Variants in KCNQ2 observed in about 807,000 individuals in gnomAD.
KCNQ2 encodes the protein potassium voltage-gated channel subfamily Q member 2.
Under a neutral mutation model 84.8 loss-of-function variants are expected in KCNQ2, and 14 were observed. The observed-to-expected ratio is 0.17, with a 90% confidence interval of 0.11 to 0.26. KCNQ2 has a LOEUF of 0.26. Among genes scored for constraint, KCNQ2 ranks in the 10% least tolerant of loss-of-function variants. The pLI is 1.00. For missense variants in KCNQ2, 788 were observed against 1,254.0 expected, an observed-to-expected ratio of 0.63 and a Z score of 5.61; for synonymous variants, 599 against 554.1, an observed-to-expected ratio of 1.08 and a Z score of -1.14.
intron 11 of KCNQ2, among the ~76,000 whole-genome samples, chr20:63,421,699 C>T (rs1309646897): frequency 2.6e-5 from 4 of 152,138 alleles, no homozygotes; most frequent in East Asian, 1.9e-4. Flanking sequence ...ACGGGGGAGC[C>T]CGCACAGGCA....
intron 15 of KCNQ2, among the ~76,000 whole-genome samples, chr20:63,413,062 C>A (rs1338629130): frequency 6.6e-6 from 1 of 152,136 alleles, no homozygotes; most frequent in Non-Finnish European, 1.5e-5. Flanking sequence ...CACATGTGTA[C>A]ACACATGTAT....
chr20:63,424,335 G>C, intron 10 of KCNQ2, 129 bp from the exon 11 acceptor site: 2 of 1,127,770 alleles, frequency 1.8e-6, no homozygotes, highest in Non-Finnish European at 2.6e-6. Flanking sequence ...GAAAAGGCTG[G>C]GCAGGGGTGG....
At chr20:63,467,787 T>C (rs1333535444) in intron 1 of KCNQ2, among the ~76,000 whole-genome samples, 2 of 152,210 alleles carry the variant, frequency 1.3e-5, no homozygotes, top group Non-Finnish European at 2.9e-5. Context: ...TTTTCAAAAC[T>C]GGAGACAGGA....
At chr20:63,436,785 T>C (rs919972333) in intron 7 of KCNQ2, among the ~76,000 whole-genome samples, 1 of 150,276 alleles carries the variant, frequency 6.7e-6, no homozygotes, top group African/African-American at 2.4e-5. Flanking sequence ...CTTTTTTTTT[T>C]TTTTTTTTTG....
At chr20:63,467,760 A>G (rs963265445) in intron 1 of KCNQ2, among the ~76,000 whole-genome samples, 1 of 152,150 alleles carries the variant, frequency 6.6e-6, no homozygotes, top group Admixed American at 6.5e-5. Context: ...GTTCTGAAAC[A>G]CTCCAGGATT....
intron 1 of KCNQ2, among the ~76,000 whole-genome samples, chr20:63,463,500 G>A (rs2082008154): frequency 1.3e-5 from 2 of 152,084 alleles, no homozygotes; most frequent in Non-Finnish European, 2.9e-5. Context: ...TCTGCACCCT[G>A]AGTCCCAGCT....
Position 63,439,604 on chromosome 20 carries a change from C to T in KCNQ2, c.921G>A (p.Leu307=), listed in dbSNP as rs539406802. ...FTLIGVSFFA[L]PAGILGSGFA... ...CAGGGGCAGCTGGACTTACTGCAGG[C>T]AGCGCGAAGAAGGAGACACCGATGA... The change falls in exon 6 of 17, where the codon CTG becomes CTA. Residue 307 remains leucine (L), a synonymous_variant. Transcript: ENST00000359125. The T allele has an allele frequency of 9.3e-6, 15 of 1,612,066 alleles. No individual in the cohort carries two copies. The East Asian group carries it at 3.1e-4, about 34-fold the overall frequency.
chr20:63,466,842 G>A lies in KCNQ2; in HGVS notation c.296+5326C>T, dbSNP rs1312496818. On this transcript the variant is annotated intron_variant, in intron 1 of 16. Coordinates refer to ENST00000359125, the MANE Select transcript of KCNQ2 (RefSeq NM_172107.4). Reference sequence around the variant, plus strand: ...ACACAGGAGCACGTCTCACACGGGCGGAAGCACAGAGGGGAGCGGGGCTGC... The same window carrying A: ...ACACAGGAGCACGTCTCACACGGGCAGAAGCACAGAGGGGAGCGGGGCTGC... Among the ~76,000 whole-genome samples, 6 of 152,330 alleles carry A rather than the reference G, an allele frequency of 3.9e-5. No individual in the cohort carries two copies. In the East Asian group the frequency reaches 9.7e-4, roughly 25 times the overall value.
intron 2 of KCNQ2, 89 bp from the exon 3 acceptor site, chr20:63,445,453 A>C (rs954622858): frequency 6.7e-7 from 1 of 1,499,208 alleles, no homozygotes; most frequent in Non-Finnish European, 9.1e-7. Flanking sequence ...GTTCTGGCCC[A>C]GGGACCAAGC....
intron 11 of KCNQ2, among the ~76,000 whole-genome samples, chr20:63,421,923 G>T (rs1173745005): frequency 6.6e-6 from 1 of 152,132 alleles, no homozygotes; most frequent in African/African-American, 2.4e-5. Flanking sequence ...CACAGCCCCA[G>T]TGGTCCCTAC....
At position 63,444,649 on chromosome 20, in the gene KCNQ2, C is replaced by A; in HGVS notation, c.690+10G>T. 2.6e-6 allele frequency: 4 copies of A among 1,542,506 alleles called. No individual in the cohort carries two copies. The highest frequency in any genetic ancestry group is 3.5e-6 in the Non-Finnish European group (4 of 1,138,804). On this transcript the variant is annotated intron_variant, in intron 4 of 16. Coordinates refer to ENST00000359125, the MANE Select transcript of KCNQ2 (RefSeq NM_172107.4). ...GGGCGCCCACCGCCAGCCTTGGGGC[C>A]GTGACTCACCTTGCTGTGGGCATAG...
In KCNQ2 at chr20:63,406,587, C is replaced by G. The variant is rs2145480756; in HGVS notation, c.*57G>C. ...GCCCCAGAGGGTTCCCGCCTCAAAA[C>G]CTCGGAGGCACCGTGCTGAGGAGGG... On this transcript the variant is annotated 3_prime_UTR_variant, in exon 17 of 17. Coordinates refer to ENST00000359125, the MANE Select transcript of KCNQ2 (RefSeq NM_172107.4). 6.6e-7 allele frequency: 1 copy of G among 1,520,172 alleles called. No individual in the cohort carries two copies. The highest frequency in any genetic ancestry group is 2.3e-5 in the East Asian group (1 of 42,818). The allele number at this position is 1,520,172 out of a possible 1,614,324, so 94.2% of individuals were successfully genotyped here. A position where few individuals can be genotyped will look rare whatever the true frequency, so the allele number is the denominator to read the frequency against.
At chr20:63,426,415 T>C (rs1002724208) in intron 10 of KCNQ2, among the ~76,000 whole-genome samples, 2 of 152,010 alleles carry the variant, frequency 1.3e-5, no homozygotes, top group Non-Finnish European at 2.9e-5. Flanking sequence ...AATCTCCTAA[T>C]TTAAGACCCT....
chr20:63,432,197 C>T (rs2080827572), intron 8 of KCNQ2, among the ~76,000 whole-genome samples: 3 of 149,264 alleles, frequency 2.0e-5, no homozygotes, highest in Admixed American at 2.0e-4. Context: ...GCTCCACCCT[C>T]TGGGAAGGAT....
At chr20:63,456,525 A>C (rs914641342) in intron 1 of KCNQ2, among the ~76,000 whole-genome samples, 10 of 151,774 alleles carry the variant, frequency 6.6e-5, no homozygotes, top group African/African-American at 2.4e-4. Context: ...AGGCGTCACC[A>C]CCTCACCGCC....
chr20:63,455,719 C>T (rs1026520128), intron 1 of KCNQ2, among the ~76,000 whole-genome samples: 12 of 152,134 alleles, frequency 7.9e-5, no homozygotes, highest in Admixed American at 3.3e-4. Context: ...GGGGCCCCCA[C>T]GCTGGCACCC....
Position 63,444,761 on chromosome 20 carries a change from C to T in KCNQ2, c.588G>A (p.Ala196=), listed in dbSNP as rs771376349. The stretch of plus-strand genomic sequence containing the variant: ...TCTGCAGGAAGCGCAGGCTCCGGAG[C>T]GCAGATGTGGCAAAGACGTTGCCCT... The part of the protein sequence containing the change: ...GSQGNVFATS[A]LRSLRFLQIL... The change falls in exon 4 of 17, where the codon GCG becomes GCA. Residue 196 remains alanine, a synonymous_variant. Transcript: ENST00000359125. 8.1e-6 allele frequency: 13 copies of T among 1,607,258 alleles called. No homozygotes were observed. The East Asian group carries it at 1.3e-4, about 17-fold the overall frequency.
At chr20:63,433,039 G>A (rs1483505569) in intron 8 of KCNQ2, among the ~76,000 whole-genome samples, 2 of 152,180 alleles carry the variant, frequency 1.3e-5, no homozygotes, top group Non-Finnish European at 2.9e-5. Flanking sequence ...GGACTCGAGG[G>A]GTCAGGCCCG....
Position 63,409,307 on chromosome 20 carries a change from G to A in KCNQ2, c.1764-771C>T, listed in dbSNP as rs192056309. Reference sequence around the variant, plus strand: ...TGTTCATGTGTGCAAGAGTGTGCACGTTTGCGTGTGTGCATGTGTGTGTGT... The same window carrying A: ...TGTTCATGTGTGCAAGAGTGTGCACATTTGCGTGTGTGCATGTGTGTGTGT... On this transcript the variant is annotated intron_variant, in intron 15 of 16. Coordinates refer to ENST00000359125, the MANE Select transcript of KCNQ2 (RefSeq NM_172107.4). Among the ~76,000 whole-genome samples, 96 of 152,368 alleles carry A rather than the reference G, an allele frequency of 6.3e-4. 1 individual carries two copies. The highest frequency in any genetic ancestry group is 2.2e-3 in the African/African-American group (92 of 41,584).
Sources: gnomAD v4.1 joint callset for allele counts (sites outside exome capture counted in the v4.1 genomes callset) on GRCh38, gnomAD v4.1.1 for gene constraint, MANE v1.5 for transcripts, NCBI Gene and HGNC (gene_info 2026-07-23, HGNC 2026-07-21) for gene names.